Variants in HGD observed in about 807,000 individuals in gnomAD.
HGD encodes homogentisate oxidase.
In HGD, 61 loss-of-function variants were observed where a neutral mutation model predicts 60.8. The observed-to-expected ratio is 1.00, with a 90% CI of 0.82 to 1.24. The LOEUF (loss-of-function observed/expected upper bound fraction) is 1.24, where lower values mean the gene tolerates loss of function less well. HGD is among the 50% of genes most tolerant of loss of function. The probability of loss-of-function intolerance (pLI) is 0.00; values close to 1 mark genes in which losing one functional copy is unlikely to be tolerated. For synonymous variants in HGD, 212 were observed against 187.7 expected, an observed-to-expected ratio of 1.13 and a Z score of -1.06; for missense variants, 542 against 547.1, an observed-to-expected ratio of 0.99 and a Z score of 0.09.
chr3:120,670,356 G>C, intron 4 of HGD, 71 bp downstream of exon 4: 2 of 807,976 alleles, frequency 2.5e-6, no homozygotes, highest in South Asian at 2.7e-5. Flanking sequence ...AATGACCATG[G>C]TATTCTATTT....
At chr3:120,638,128 G>T (rs935407364) in intron 12 of HGD, among the ~76,000 whole-genome samples, 3 of 152,176 alleles carry the variant, frequency 2.0e-5, no homozygotes, top group African/African-American at 7.2e-5. Flanking sequence ...CACCATGATT[G>T]TATTTCCTGA....
intron 4 of HGD, among the ~76,000 whole-genome samples, chr3:120,653,207 C>T (rs1199461184): frequency 6.6e-6 from 1 of 152,152 alleles, no homozygotes; most frequent in Non-Finnish European, 1.5e-5. Flanking sequence ...TTCACCAAAC[C>T]CCACGTTTGT....
chr3:120,642,656 C>T (rs531415886), intron 10 of HGD, among the ~76,000 whole-genome samples: 4 of 152,334 alleles, frequency 2.6e-5, no homozygotes, highest in African/African-American at 9.6e-5. Context: ...TGCATATCAG[C>T]TTTTGCAAGT....
chr3:120,645,696 G>A (rs1316705995), intron 9 of HGD, among the ~76,000 whole-genome samples: 1 of 152,160 alleles, frequency 6.6e-6, no homozygotes, highest in African/African-American at 2.4e-5. Context: ...GTGTCACCCA[G>A]TCCATCCCTC....
At chr3:120,665,930 T>C (rs1442033645) in intron 4 of HGD, among the ~76,000 whole-genome samples, 21 of 152,188 alleles carry the variant, frequency 1.4e-4, no homozygotes. Context: ...TTCTCAGCCT[T>C]TCTTGCTGAG....
intron 4 of HGD, among the ~76,000 whole-genome samples, chr3:120,659,548 C>T (rs1422880631): frequency 2.6e-5 from 4 of 152,194 alleles, no homozygotes; most frequent in Admixed American, 6.5e-5. Flanking sequence ...TTGTTCATGT[C>T]ACTATTGGCA....
intron 3 of HGD, among the ~76,000 whole-genome samples, chr3:120,672,343 A>G (rs61795582): frequency 0.24 from 36,158 of 152,092 alleles, 4,845 homozygotes; most frequent in African/African-American, 0.36. Context: ...ACACCAGGAT[A>G]AGACCTTCCA....
In HGD at chr3:120,633,645, T is replaced by C. The variant is rs1940663110; in HGVS notation, c.1007-317A>G. The stretch of plus-strand genomic sequence containing the variant: ...ATAATAATTAAAATGCTAGTCATAA[T>C]AGAGAGCGAATGTACTCTATCATCT... On this transcript the variant is annotated intron_variant, in intron 12 of 13. Transcript: ENST00000283871. 2.5e-5 allele frequency: 32 copies of C among 1,278,874 alleles called. 1 individual carries two copies. In the South Asian group the frequency reaches 3.9e-4, roughly 15 times the overall value. 79.2% of individuals were successfully genotyped at this position (1,278,874 alleles called of 1,614,324 possible).
chr3:120,674,701 T>C, intron 3 of HGD, 200 bp downstream of exon 3: 1 of 564,216 alleles, frequency 1.8e-6, no homozygotes, highest in Non-Finnish European at 3.3e-6. Context: ...CTGTGCAGCT[T>C]TCCTTCACCT....
rs111730636 is a variant in HGD, at chr3:120,671,907, T to G, written c.177-1375A>C. The stretch of plus-strand genomic sequence containing the variant: ...CAGGAACAGAAAACCAAACACTGCA[T>G]GTTCTCACTCATAAGTGGGAGCTGA... On this transcript the variant is annotated intron_variant, in intron 3 of 13. Transcript: ENST00000283871. 9.1e-3 allele frequency among the ~76,000 whole-genome samples: 1,384 copies of G among 151,720 alleles called. 13 individuals are homozygous for G. Among genetic ancestry groups the G allele is most frequent in the African/African-American group, 0.032 (1,329 of 41,312 alleles).
At chr3:120,645,056 T>A (rs929875198) in intron 9 of HGD, among the ~76,000 whole-genome samples, 1 of 152,196 alleles carries the variant, frequency 6.6e-6, no homozygotes, top group Non-Finnish European at 1.5e-5. Context: ...ATGAAAAACT[T>A]AAGTGCAAAA....
chr3:120,647,820 CA>C lies in HGD; in HGVS notation c.469+56del, dbSNP rs1941212111. 4.7e-6 allele frequency: 6 copies of C among 1,283,868 alleles called. No homozygotes were observed. The South Asian group carries it at 7.1e-5, about 15-fold the overall frequency. The allele number at this position is 1,283,868 out of a possible 1,614,324, so 79.5% of individuals were successfully genotyped here. A position where few individuals can be genotyped will look rare whatever the true frequency, so the allele number is the denominator to read the frequency against. ...AAATAATGTGTATAAAATTAGAAAG[CA>C]GCTTGCGGTTAGGGGTCAATTAACA... is the stretch of plus-strand genomic sequence containing the variant. On this transcript the variant is annotated intron_variant, in intron 7 of 13. Coordinates refer to ENST00000283871, the MANE Select transcript of HGD (RefSeq NM_000187.4).
chr3:120,666,858 C>T (rs1447982807), intron 4 of HGD, among the ~76,000 whole-genome samples: 1 of 152,050 alleles, frequency 6.6e-6, no homozygotes, highest in African/African-American at 2.4e-5. Flanking sequence ...GCTTTTTAAT[C>T]CAGTTGCTTC....
intron 1 of HGD, 140 bp downstream of exon 1, chr3:120,681,957 C>G: frequency 1.2e-6 from 1 of 801,308 alleles, no homozygotes; most frequent in South Asian, 1.4e-5. Context: ...CCCACAGACA[C>G]CACAGGGAAG....
intron 4 of HGD, among the ~76,000 whole-genome samples, chr3:120,657,182 T>C (rs1384263459): frequency 6.6e-6 from 1 of 152,220 alleles, no homozygotes; most frequent in African/African-American, 2.4e-5. Flanking sequence ...TATTGGAAGA[T>C]AAACTTTTAC....
chr3:120,672,622 C>T (rs567575527), intron 3 of HGD, among the ~76,000 whole-genome samples: 1 of 152,132 alleles, frequency 6.6e-6, no homozygotes, highest in Non-Finnish European at 1.5e-5. Flanking sequence ...TCTTACTAAG[C>T]CTCTCCAGCT....
chr3:120,639,916 T>C (rs1156369123), intron 11 of HGD, among the ~76,000 whole-genome samples: 2 of 152,114 alleles, frequency 1.3e-5, no homozygotes, highest in Non-Finnish European at 2.9e-5. Context: ...TTCAATTTAA[T>C]TGAAATCAAC....
intron 12 of HGD, among the ~76,000 whole-genome samples, chr3:120,637,524 C>T (rs1940822271): frequency 6.6e-6 from 1 of 152,046 alleles, no homozygotes. Context: ...AAACTCTTTC[C>T]AGAATAGAGT....
chr3:120,640,127 GAGAA>G (rs1940920716), intron 11 of HGD, among the ~76,000 whole-genome samples: 1 of 147,530 alleles, frequency 6.8e-6, no homozygotes, highest in Non-Finnish European at 1.5e-5. Flanking sequence ...AAAAGAGAGA[GAGAA>G]AGGAAGGAAG....
Sources: allele counts gnomAD v4.1 joint callset (sites outside exome capture counted in the v4.1 genomes callset), GRCh38; gene constraint gnomAD v4.1.1; transcripts MANE v1.5; gene names NCBI Gene and HGNC (gene_info 2026-07-23, HGNC 2026-07-21).